Variants in IFT122 observed in about 807,000 individuals in gnomAD.
IFT122 encodes the protein intraflagellar transport 122.
In IFT122, 118 loss-of-function variants were observed where a neutral mutation model predicts 161.6. The observed-to-expected ratio is 0.73, with a 90% CI of 0.63 to 0.85. The LOEUF (loss-of-function observed/expected upper bound fraction) is 0.85. Among genes scored for constraint, IFT122 ranks in the 40% least tolerant of loss-of-function variants. IFT122 has a pLI of 0.00. For synonymous variants in IFT122, 550 were observed against 602.4 expected, an observed-to-expected ratio of 0.91 and a Z score of 1.27; for missense variants, 1,381 against 1,579.6, an observed-to-expected ratio of 0.87 and a Z score of 2.13.
In IFT122 at chr3:129,488,260, G is replaced by A. The variant is rs778206901; in HGVS notation, c.1855G>A (p.Ala619Thr). The change falls in exon 16 of 30, where the codon GCT becomes ACT. Residue 619 changes from alanine (A) to threonine (T), a missense_variant. Ala to Thr is a moderately conservative substitution (Grantham distance 58, BLOSUM62 0). Coordinates refer to ENST00000348417, the MANE Select transcript of IFT122 (RefSeq NM_052989.3). ...SISAVEVPQS[A>T]PMYQYLDRKL... ...TTCCCTTGATGAAATCCTGCAGTCC[G>A]CTCCCATGTACCAGTACCTGGATAG... 1.3e-5 allele frequency: 21 copies of A among 1,613,938 alleles called. No homozygotes were observed. The highest frequency in any genetic ancestry group is 5.3e-5 in the African/African-American group (4 of 74,874).
Position 129,476,344 on chromosome 3 carries a change from C to A in IFT122, c.846C>A (p.Asp282Glu). 1 of 1,614,178 alleles carries A rather than the reference C, an allele frequency of 6.2e-7. No individual in the cohort carries two copies. Among genetic ancestry groups the A allele is most frequent in the South Asian group, 1.1e-5 (1 of 91,084 alleles). The part of the protein sequence containing the change: ...QIGKDRALNF[D>E]PCCISYFTKG... The stretch of plus-strand genomic sequence containing the variant: ...GAAAGGATCGGGCACTGAACTTTGA[C>A]CCCTGCTGCATCAGCTACTTTACTA... The change falls in exon 10 of 30, where the codon GAC (aspartate) becomes GAA (glutamate). Residue 282 changes from aspartate to glutamate, a missense_variant. By Grantham distance (45) the Asp-to-Glu change is conservative. Coordinates refer to ENST00000348417, the MANE Select transcript of IFT122 (RefSeq NM_052989.3).
intron 13 of IFT122, among the ~76,000 whole-genome samples, chr3:129,480,441 A>C (rs2078508371): frequency 6.6e-6 from 1 of 152,232 alleles, no homozygotes; most frequent in Non-Finnish European, 1.5e-5. Flanking sequence ...ACATGTGTAC[A>C]CGTGTGTTCT....
intron 15 of IFT122, among the ~76,000 whole-genome samples, chr3:129,486,076 C>T (rs975705510): frequency 5.9e-5 from 9 of 152,244 alleles, no homozygotes; most frequent in Admixed American, 5.9e-4. Context: ...TGAAATCCAA[C>T]AGCAAGATAA....
intron 26 of IFT122, among the ~76,000 whole-genome samples, chr3:129,515,978 CCACA>C (rs368047180): frequency 6.6e-6 from 1 of 151,276 alleles, no homozygotes; most frequent in East Asian, 1.9e-4. Flanking sequence ...TGAGCAGAGG[CCACA>C]CACACACACA....
chr3:129,516,184 G>C (rs2083521974), intron 26 of IFT122, among the ~76,000 whole-genome samples: 1 of 118,438 alleles, frequency 8.4e-6, no homozygotes, highest in Non-Finnish European at 1.7e-5. Flanking sequence ...CACACACACA[G>C]AAACCGCCCC....
intron 26 of IFT122, among the ~76,000 whole-genome samples, chr3:129,516,647 T>TAC (rs1309470712): frequency 8.1e-5 from 4 of 49,410 alleles, no homozygotes; most frequent in Admixed American, 2.8e-4. Flanking sequence ...AGACTGCCCC[T>TAC]ACACACACAC....
rs78857239 is a variant in IFT122, at chr3:129,518,822, C to T, written c.3392-285C>T. On this transcript the variant is annotated intron_variant, in intron 27 of 29. Transcript: ENST00000348417. The stretch of plus-strand genomic sequence containing the variant: ...AATGTTTCTCCAGGATCCCTGGGCC[C>T]ATCCCCTCCGTGCCTACCCGCAGTG... Among the ~76,000 whole-genome samples, 769 of 152,320 alleles carry T rather than the reference C, an allele frequency of 5.0e-3. 8 individuals carry two copies. Among genetic ancestry groups the T allele is most frequent in the African/African-American group, 0.018 (742 of 41,580 alleles).
intron 14 of IFT122, 38 bp from the exon 15 acceptor site, chr3:129,483,447 G>A (rs375945385): frequency 5.7e-6 from 9 of 1,582,864 alleles, no homozygotes; most frequent in Non-Finnish European, 7.8e-6. Flanking sequence ...CAAGCCCAGG[G>A]TGGTTCTCAC....
intron 27 of IFT122, among the ~76,000 whole-genome samples, 154 bp downstream of exon 27, chr3:129,517,748 G>A (rs923121051): frequency 2.0e-5 from 3 of 152,182 alleles, no homozygotes; most frequent in African/African-American, 7.2e-5. Context: ...CATGGGACAG[G>A]GACAGGGATC....
intron 17 of IFT122, among the ~76,000 whole-genome samples, chr3:129,493,039 A>G (rs556991567): frequency 2.6e-5 from 4 of 152,038 alleles, no homozygotes; most frequent in East Asian, 3.9e-4. Flanking sequence ...GCTGGTTTCA[A>G]ATTCGTGGGC....
At chr3:129,504,601 G>A (rs2081994697) in intron 21 of IFT122, among the ~76,000 whole-genome samples, 180 bp downstream of exon 21, 1 of 152,182 alleles carries the variant, frequency 6.6e-6, no homozygotes, top group South Asian at 2.1e-4. Flanking sequence ...ATTGGCCTTG[G>A]AGTCACACCC....
intron 2 of IFT122, among the ~76,000 whole-genome samples, chr3:129,450,279 G>C (rs571872530): frequency 6.6e-6 from 1 of 152,230 alleles, no homozygotes; most frequent in South Asian, 2.1e-4. Context: ...CAGGACTGAC[G>C]GTGCTGTGTC....
intron 29 of IFT122, among the ~76,000 whole-genome samples, 191 bp downstream of exon 29, chr3:129,519,923 G>T (rs924818789): frequency 6.6e-6 from 1 of 152,104 alleles, no homozygotes. Flanking sequence ...TGGCCCCTGC[G>T]CTGTCCACAT....
At chr3:129,467,714 G>A (rs181043647) in intron 8 of IFT122, among the ~76,000 whole-genome samples, 21 of 152,348 alleles carry the variant, frequency 1.4e-4, no homozygotes, top group African/African-American at 5.1e-4. Flanking sequence ...GCAGGCCAGA[G>A]TGGGGAAAGC....
chr3:129,443,031 C>T (rs1169401476), intron 1 of IFT122, among the ~76,000 whole-genome samples: 2 of 152,204 alleles, frequency 1.3e-5, no homozygotes, highest in South Asian at 2.1e-4. Flanking sequence ...CTAGCATCTG[C>T]TGTAACTCTC....
intron 23 of IFT122, among the ~76,000 whole-genome samples, chr3:129,509,421 T>A (rs2082542722): frequency 6.6e-6 from 1 of 152,220 alleles, no homozygotes; most frequent in Admixed American, 6.5e-5. Flanking sequence ...AAGCCTCTCA[T>A]CTCCTTTGCA....
chr3:129,493,043 C>T (rs576050088), intron 17 of IFT122, among the ~76,000 whole-genome samples: 8 of 152,098 alleles, frequency 5.3e-5, no homozygotes, highest in Admixed American at 3.3e-4. Flanking sequence ...GTTTCAAATT[C>T]GTGGGCTCAA....
At chr3:129,456,396 T>C (rs1414588373) in intron 3 of IFT122, 2 of 659,090 alleles carry the variant, frequency 3.0e-6, no homozygotes, top group Non-Finnish European at 2.1e-6. Context: ...CTCAGCACTT[T>C]GGGAAGCCAA....
rs766295275 is a variant in IFT122 at position 129,479,854 on chromosome 3, C to T, written c.1420C>T (p.Arg474Cys). The change falls in exon 13 of 30, where the codon CGT becomes TGT. Residue 474 changes from arginine to cysteine, a missense_variant. Around this residue, in one of 7 missense-constraint regions of IFT122, gnomAD observed 544 missense variants for 648.0 expected, o/e 0.84. Coordinates refer to ENST00000348417, the MANE Select transcript of IFT122 (RefSeq NM_052989.3). ...GGAGTGGCAGATGGAGTCTCTCATT[C>T]GTTACATCAAGGTGATCGGTGGCCC... ...EREWQMESLIRYIKVIGGPPG... is the reference protein window; with the variant it reads ...EREWQMESLICYIKVIGGPPG... The T allele has an allele frequency of 6.2e-6, 10 of 1,614,002 alleles. No homozygotes were observed. Among genetic ancestry groups the T allele is most frequent in the African/African-American group, 1.3e-5 (1 of 75,020 alleles).
Sources: allele counts gnomAD v4.1 joint callset (sites outside exome capture counted in the v4.1 genomes callset), GRCh38; gene constraint gnomAD v4.1.1; regional missense constraint gnomAD v4.1.1; transcripts MANE v1.5; gene names NCBI Gene and HGNC (gene_info 2026-07-23, HGNC 2026-07-21).